PARD3B: variants seen among roughly 807,000 people sequenced by gnomAD.
The protein encoded by PARD3B is partitioning defective 3 homolog B.
In PARD3B, 103 loss-of-function variants were observed where a neutral mutation model predicts 130.2. That is an observed-to-expected ratio of 0.79 (90% CI 0.67 to 0.93). The LOEUF (loss-of-function observed/expected upper bound fraction) is 0.93. Among genes scored for constraint, PARD3B ranks in the 40% least tolerant of loss-of-function variants. The probability of loss-of-function intolerance (pLI) is 0.00; values close to 1 mark genes in which losing one functional copy is unlikely to be tolerated. For missense variants in PARD3B, 1,609 were observed against 1,499.2 expected, an observed-to-expected ratio of 1.07 and a Z score of -1.21; for synonymous variants, 583 against 553.2, an observed-to-expected ratio of 1.05 and a Z score of -0.76.
At chr2:205,579,310 A>T (rs2053877819) in intron 22 of PARD3B, among the ~76,000 whole-genome samples, 1 of 152,170 alleles carries the variant, frequency 6.6e-6, no homozygotes, top group African/African-American at 2.4e-5. Flanking sequence ...TGGCATCATC[A>T]GCTTTTCCTG....
intron 15 of PARD3B, among the ~76,000 whole-genome samples, chr2:205,223,214 GAAA>G (rs1281116895): frequency 6.6e-6 from 1 of 152,134 alleles, no homozygotes; most frequent in African/African-American, 2.4e-5. Context: ...TAATATAATG[GAAA>G]AGGTAAAAAG....
At chr2:205,411,634 T>G (rs927185529) in intron 19 of PARD3B, among the ~76,000 whole-genome samples, 1 of 152,222 alleles carries the variant, frequency 6.6e-6, no homozygotes, top group Admixed American at 6.5e-5. Flanking sequence ...GAGCCTAGAA[T>G]GCTCTGAGAC....
intron 2 of PARD3B, among the ~76,000 whole-genome samples, chr2:204,853,985 C>T (rs2044816788): frequency 6.6e-6 from 1 of 151,744 alleles, no homozygotes; most frequent in Non-Finnish European, 1.5e-5. Context: ...TATGCTGAGA[C>T]ATAAAAGAAG....
At chr2:204,837,722 A>G (rs1053169689) in intron 2 of PARD3B, among the ~76,000 whole-genome samples, 5 of 152,226 alleles carry the variant, frequency 3.3e-5, no homozygotes, top group Non-Finnish European at 7.3e-5. Flanking sequence ...AGGAAAGACC[A>G]TACCCTAGTT....
intron 2 of PARD3B, among the ~76,000 whole-genome samples, chr2:204,710,424 A>C (rs537310055): frequency 1.3e-5 from 2 of 152,306 alleles, no homozygotes; most frequent in African/African-American, 4.8e-5. Context: ...CCCTGGGAGG[A>C]AATTGTTAGA....
chr2:205,365,567 T>TTTTTTTTA (rs2044577773), intron 18 of PARD3B, among the ~76,000 whole-genome samples: 1 of 149,644 alleles, frequency 6.7e-6, no homozygotes, highest in African/African-American at 2.4e-5. Context: ...TTTTTTTTTC[T>TTTTTTTTA]AATCTACAGG....
chr2:204,599,964 T>A (rs1000571138), intron 1 of PARD3B, among the ~76,000 whole-genome samples: 1 of 151,910 alleles, frequency 6.6e-6, no homozygotes, highest in African/African-American at 2.4e-5. Context: ...TTTTCACATA[T>A]TTTTTGGCCA....
At chr2:204,948,875 A>G (rs944419888) in intron 2 of PARD3B, among the ~76,000 whole-genome samples, 2 of 152,232 alleles carry the variant, frequency 1.3e-5, no homozygotes, top group Non-Finnish European at 2.9e-5. Context: ...CATGTCTCAC[A>G]GGACCCTTCC....
chr2:205,519,600 T>G (rs2050948236), intron 21 of PARD3B, among the ~76,000 whole-genome samples: 1 of 148,748 alleles, frequency 6.7e-6, no homozygotes, highest in South Asian at 2.1e-4. Context: ...TTCAACCTGG[T>G]TAAGAACTCT....
intron 2 of PARD3B, among the ~76,000 whole-genome samples, chr2:204,791,794 AT>A (rs1325548714): frequency 6.6e-6 from 1 of 152,224 alleles, no homozygotes; most frequent in African/African-American, 2.4e-5. Context: ...CTATTATTAC[AT>A]CCCGATTATT....
intron 4 of PARD3B, among the ~76,000 whole-genome samples, chr2:205,069,544 C>G (rs1700593528): frequency 6.6e-6 from 1 of 151,904 alleles, no homozygotes; most frequent in Non-Finnish European, 1.5e-5. Flanking sequence ...GTATTCTTTG[C>G]TCATTATTCA....
chr2:205,364,844 A>G (rs1295660596), intron 18 of PARD3B, among the ~76,000 whole-genome samples: 1 of 152,178 alleles, frequency 6.6e-6, no homozygotes, highest in African/African-American at 2.4e-5. Context: ...CTCAAGAAGC[A>G]TGGAAGGTTG....
rs1701222428 is a variant in PARD3B, at chr2:205,078,742, T to A, written c.505-25684T>A. 6.6e-6 allele frequency among the ~76,000 whole-genome samples: 1 copy of A among 152,230 alleles called. No homozygotes were observed. Among genetic ancestry groups the A allele is most frequent in the Non-Finnish European group, 1.5e-5 (1 of 68,052 alleles). Reference sequence around the variant, plus strand: ...GCAGACATTGTGTGACTTCTGAGACTAGTTCAGAAAAGGCTATACCTGTGG... The same window carrying A: ...GCAGACATTGTGTGACTTCTGAGACAAGTTCAGAAAAGGCTATACCTGTGG... On this transcript the variant is annotated intron_variant, in intron 4 of 22. Transcript: ENST00000406610. This position sits in a 1 kb window ranked among gnomAD's most constrained non-coding sequence, Gnocchi z 4.0.
chr2:204,787,019 C>T (rs1321461451), intron 2 of PARD3B, among the ~76,000 whole-genome samples: 1 of 151,984 alleles, frequency 6.6e-6, no homozygotes, highest in Non-Finnish European at 1.5e-5. Flanking sequence ...ACAACACGTA[C>T]TTTTTTTGTT....
intron 2 of PARD3B, among the ~76,000 whole-genome samples, chr2:204,792,108 A>G (rs1195077220): frequency 1.3e-5 from 2 of 152,222 alleles, no homozygotes; most frequent in East Asian, 3.8e-4. Flanking sequence ...GGGAAACTTG[A>G]TAATGAAAGT....
Position 205,176,601 on chromosome 2 carries a change from A to G in PARD3B, c.1924+24A>G, listed in dbSNP as rs907054488. The G allele has an allele frequency of 1.9e-6, 3 of 1,565,692 alleles. No individual in the cohort carries two copies. Among genetic ancestry groups the G allele is most frequent in the African/African-American group, 2.8e-5 (2 of 71,574 alleles). ...AGGTAAGAGTCTATTCATTTTATCC[A>G]CTGCAAATGGAGTGAGAAAACACAA... On this transcript the variant is annotated intron_variant, in intron 13 of 22. Coordinates refer to ENST00000406610, the MANE Select transcript of PARD3B (RefSeq NM_001302769.2). The surrounding 1 kb of genome is among the most constrained non-coding windows in gnomAD (Gnocchi z 5.3).
intron 2 of PARD3B, among the ~76,000 whole-genome samples, chr2:204,714,193 A>G (rs915688841): frequency 2.0e-5 from 3 of 152,192 alleles, no homozygotes; most frequent in Non-Finnish European, 4.4e-5. Context: ...GTCATTATCC[A>G]CAATAGATAT....
At chr2:205,051,411 A>G (rs1404406761) in intron 4 of PARD3B, among the ~76,000 whole-genome samples, 1 of 152,206 alleles carries the variant, frequency 6.6e-6, no homozygotes, top group African/African-American at 2.4e-5. Flanking sequence ...GTGTTCACGT[A>G]TAAGTAATTC....
chr2:205,022,626 A>C (rs1050294838), intron 3 of PARD3B, among the ~76,000 whole-genome samples: 7 of 152,176 alleles, frequency 4.6e-5, no homozygotes, highest in Non-Finnish European at 8.8e-5. Flanking sequence ...TGAAGAGAAA[A>C]TCCGGATTCC....
Sources: gnomAD v4.1 joint callset for allele counts (sites outside exome capture counted in the v4.1 genomes callset) on GRCh38, gnomAD v4.1.1 for gene constraint, Gnocchi (gnomAD v3.1) non-coding constraint, MANE v1.5 for transcripts, NCBI Gene and HGNC (gene_info 2026-07-23, HGNC 2026-07-21) for gene names.